ATP7A: variants seen among roughly 807,000 people sequenced by gnomAD.
ATP7A encodes the protein ATPase copper transporting alpha, also known as copper-transporting ATPase 1.
A neutral mutation model predicts 83.5 loss-of-function variants in ATP7A; 7 were observed. That is an observed-to-expected ratio of 0.08 (90% confidence interval 0.05 to 0.16). ATP7A has a LOEUF of 0.16. ATP7A is among the 10% of genes least tolerant of loss of function. The probability of loss-of-function intolerance (pLI) is 1.00; values close to 1 mark genes in which losing one functional copy is unlikely to be tolerated. For synonymous variants in ATP7A, 354 were observed against 395.2 expected (o/e 0.90, Z 1.24); for missense variants, 940 against 1,120.8 (o/e 0.84, Z 2.30).
At chrX:77,990,585 T>C (rs2077663644) in intron 4 of ATP7A, among the ~76,000 whole-genome samples, 1 of 112,318 alleles carries the variant, frequency 8.9e-6, no homozygotes. Flanking sequence ...GGATTTTAAC[T>C]ATAATTTTAT....
In ATP7A at chrX:78,009,318, G is replaced by A. The variant is rs782646440; in HGVS notation, c.1869+55G>A. 1.7e-5 allele frequency: 19 copies of A among 1,144,490 alleles called. No individual in the cohort carries two copies. In the Admixed American group the frequency reaches 2.6e-4, roughly 16 times the overall value. The allele number at this position is 1,144,490 out of a possible 1,213,427, so 94.3% of individuals were successfully genotyped here. On this transcript the variant is annotated intron_variant, in intron 7 of 22. Transcript: ENST00000341514. Reference sequence around the variant, plus strand: ...TCTTACCTATTTAATCAGCACTCCCGTGAATCATTTCTGGTTTGCATCAGA... The same window carrying A: ...TCTTACCTATTTAATCAGCACTCCCATGAATCATTTCTGGTTTGCATCAGA...
rs371966131 is a variant in ATP7A at position 78,015,923 on chromosome X, A to G, written c.2626+42A>G. 4.2e-6 allele frequency: 5 copies of G among 1,197,742 alleles called. No individual in the cohort carries two copies. In the African/African-American group the frequency reaches 5.3e-5, roughly 13 times the overall value. ...GATCATGACCAAAATGTTAAGAAAA[A>G]TAGACATGAAAGATGAAGCACTTTT... On this transcript the variant is annotated intron_variant, in intron 12 of 22. Coordinates refer to ENST00000341514, the MANE Select transcript of ATP7A (RefSeq NM_000052.7).
intron 1 of ATP7A, among the ~76,000 whole-genome samples, chrX:77,931,951 A>ACC (rs1222699448): frequency 1.5e-5 from 1 of 65,326 alleles, no homozygotes; most frequent in Non-Finnish European, 2.8e-5. Flanking sequence ...CGGGGGGCTG[A>ACC]CCCCCCCACC....
In ATP7A at chrX:77,969,192, C is replaced by G. The variant is rs782137149; in HGVS notation, c.-21-2429C>G. ...CCTTCGGACTCTCATAGGAGGGTAG[C>G]TGATCTTCTGTGAGGTCTGCATACC... On this transcript the variant is annotated intron_variant, in intron 1 of 22. Coordinates refer to ENST00000341514, the MANE Select transcript of ATP7A (RefSeq NM_000052.7). 3 of 1,210,048 alleles carry G rather than the reference C, an allele frequency of 2.5e-6. No individual in the cohort carries two copies. Among genetic ancestry groups the G allele is most frequent in the African/African-American group, 1.7e-5 (1 of 57,235 alleles).
chrX:78,022,565 T>G (rs1450270026), intron 14 of ATP7A, among the ~76,000 whole-genome samples: 1 of 110,054 alleles, frequency 9.1e-6, no homozygotes, highest in Non-Finnish European at 1.9e-5. Flanking sequence ...TTGCCCAGGC[T>G]GGAGTGCAGT....
intron 1 of ATP7A, among the ~76,000 whole-genome samples, chrX:77,922,593 C>T (rs2077222008): frequency 1.8e-5 from 2 of 111,481 alleles, no homozygotes; most frequent in Admixed American, 9.5e-5. Context: ...ACACAACCCT[C>T]AACATGTTAG....
intron 1 of ATP7A, chrX:77,922,865 G>A (rs1406198826): frequency 8.9e-6 from 1 of 112,017 alleles, no homozygotes; most frequent in Non-Finnish European, 1.9e-5. Context: ...TGGGACTAGT[G>A]CAGAGCCTAA....
intron 7 of ATP7A, among the ~76,000 whole-genome samples, chrX:78,010,115 A>C (rs1260622232): frequency 1.8e-5 from 2 of 112,644 alleles, no homozygotes; most frequent in African/African-American, 6.4e-5. Context: ...CATTATCATT[A>C]CCATTTTTGT....
chrX:77,948,481 G>A (rs1186682787), intron 1 of ATP7A, among the ~76,000 whole-genome samples: 1 of 112,214 alleles, frequency 8.9e-6, no homozygotes, highest in African/African-American at 3.2e-5. Context: ...TTTTGCTATA[G>A]CCCATACATA....
At chrX:77,917,619 A>G (rs1034688782) in intron 1 of ATP7A, among the ~76,000 whole-genome samples, 2 of 112,461 alleles carry the variant, frequency 1.8e-5, no homozygotes, top group African/African-American at 3.2e-5. Context: ...GTAGAATGTC[A>G]TCAGAAATGT....
At chrX:77,968,336 A>T (rs189470519) in intron 1 of ATP7A, among the ~76,000 whole-genome samples, 2 of 112,353 alleles carry the variant, frequency 1.8e-5, no homozygotes, top group African/African-American at 3.2e-5. Flanking sequence ...AATATAACAC[A>T]TAACGAAATT....
At position 77,971,395 on chromosome X, in the gene ATP7A, C is replaced by T. The variant is rs781879836; in HGVS notation, c.-21-226C>T. Among the ~76,000 whole-genome samples the T allele has an allele frequency of 2.7e-5, 3 of 112,344 alleles. No homozygotes were observed. In the Admixed American group the frequency reaches 2.8e-4, roughly 11 times the overall value. ...TATTGAAATTTTTATTTTTAGTTAG[C>T]ATATCCATAGAAACAACTTTCCTTT... On this transcript the variant is annotated intron_variant, in intron 1 of 22. Transcript: ENST00000341514.
chrX:78,042,436 A>T, intron 19 of ATP7A, 149 bp from the exon 20 acceptor site: 1 of 600,310 alleles, frequency 1.7e-6, no homozygotes. Flanking sequence ...AAGAGAGCTC[A>T]TTTCTCCACA....
intron 17 of ATP7A, among the ~76,000 whole-genome samples, chrX:78,035,468 A>G (rs1457098709): frequency 9.0e-6 from 1 of 111,446 alleles, no homozygotes; most frequent in Admixed American, 9.5e-5. Context: ...ACCCCTCAGA[A>G]AATTTTTGTT....
chrX:78,018,072 G>T (rs1445562858), intron 12 of ATP7A, among the ~76,000 whole-genome samples: 3 of 106,008 alleles, frequency 2.8e-5, no homozygotes, highest in Non-Finnish European at 5.8e-5. Flanking sequence ...CACCGCGCCC[G>T]GCCACCACCC....
chrX:78,007,970 TTAAG>T (rs1320558515), intron 6 of ATP7A, among the ~76,000 whole-genome samples: 1 of 112,433 alleles, frequency 8.9e-6, no homozygotes, highest in Non-Finnish European at 1.9e-5. Context: ...AAATGTATGA[TTAAG>T]TTATTATTGA....
intron 17 of ATP7A, among the ~76,000 whole-genome samples, chrX:78,034,911 T>C (rs923038411): frequency 9.1e-6 from 1 of 110,071 alleles, no homozygotes; most frequent in Admixed American, 9.7e-5. Context: ...CCTGGCTAAT[T>C]TTTTGTATTT....
At chrX:77,931,403 A>G (rs1188409913) in intron 1 of ATP7A, among the ~76,000 whole-genome samples, 2 of 111,698 alleles carry the variant, frequency 1.8e-5, no homozygotes, top group Non-Finnish European at 3.8e-5. Flanking sequence ...AAAGTCTCCC[A>G]TGTCTACTTC....
At position 78,009,200 on chromosome X, in the gene ATP7A, C is replaced by A. The variant is rs1557234099; in HGVS notation, c.1806C>A (p.Asn602Lys). ...ILYCSVALATNKAHIKYDPEI... is the reference protein window; with the variant it reads ...ILYCSVALATKKAHIKYDPEI... ...ACTGCTCCGTGGCCCTGGCAACCAA[C>A]AAAGCACATATTAAATATGACCCAG... Residue 602 changes from asparagine to lysine, a missense_variant, in exon 7 of 23, where the codon AAC (asparagine) becomes AAA (lysine). By Grantham distance (94) the Asn-to-Lys change is moderately conservative. This residue lies in a region of ATP7A where 204 missense variants were observed against 185.8 expected (regional missense o/e 1.10). Coordinates refer to ENST00000341514, the MANE Select transcript of ATP7A (RefSeq NM_000052.7). 8.3e-7 allele frequency: 1 copy of A among 1,210,183 alleles called. No homozygotes were observed. Among genetic ancestry groups the A allele is most frequent in the Admixed American group, 2.2e-5 (1 of 45,916 alleles).
Sources: allele counts gnomAD v4.1 joint callset (sites outside exome capture counted in the v4.1 genomes callset), GRCh38; gene constraint gnomAD v4.1.1; regional missense constraint gnomAD v4.1.1; transcripts MANE v1.5; gene names NCBI Gene and HGNC (gene_info 2026-07-23, HGNC 2026-07-21).